The following FLVCR2 variants were observed in gnomAD, a reference collection of about 807,000 sequenced individuals.
FLVCR2 encodes the protein FLVCR choline and putative heme transporter 2, also known as choline/ethanolamine transporter FLVCR2.
FLVCR2 carries 38 observed loss-of-function variants against 48.9 expected under a neutral mutation model. The ratio of observed to expected loss-of-function variants is 0.78; its 90% CI spans 0.60 to 1.02. The LOEUF is 1.02. Among genes scored for constraint, FLVCR2 ranks in the 50% least tolerant of loss-of-function variants. The pLI, the probability that FLVCR2 is intolerant of heterozygous loss-of-function variation, is 0.00. For missense variants in FLVCR2, 664 were observed against 663.3 expected, an observed-to-expected ratio of 1.00 and a Z score of -0.01; for synonymous variants, 255 against 257.0, an observed-to-expected ratio of 0.99 and a Z score of 0.07.
At chr14:75,629,050 C>G (rs1348679992) in intron 3 of FLVCR2, among the ~76,000 whole-genome samples, 3 of 152,242 alleles carry the variant, frequency 2.0e-5, no homozygotes, top group East Asian at 3.9e-4. Context: ...GTGGTTCTCC[C>G]AGCTGATGAG....
rs778166469 is a variant in FLVCR2 at position 75,624,764 on chromosome 14, A to G, written c.952+12A>G. On this transcript the variant is annotated intron_variant, in intron 3 of 9. Coordinates refer to ENST00000238667, the MANE Select transcript of FLVCR2 (RefSeq NM_017791.3). ...TGTCATCACCTATGGTAAGGTGTCA[A>G]TGTGTCTAGGAATGCATTCGAGCTG... The G allele has an allele frequency of 3.1e-6, 5 of 1,614,060 alleles. No individual in the cohort carries two copies. The East Asian group carries it at 6.7e-5, about 22-fold the overall frequency.
intron 1 of FLVCR2, among the ~76,000 whole-genome samples, chr14:75,604,986 G>T (rs548514239): frequency 6.6e-6 from 1 of 152,228 alleles, no homozygotes; most frequent in African/African-American, 2.4e-5. Context: ...CCCTATGCCT[G>T]TGCACAAGAC....
At chr14:75,631,833 C>G (rs188308717) in intron 3 of FLVCR2, 1 of 456,018 alleles carries the variant, frequency 2.2e-6, no homozygotes, top group African/African-American at 2.0e-5. Flanking sequence ...TGAGTATGTA[C>G]TATGAAGGGC....
chr14:75,624,113 G>A (rs1166951812), intron 2 of FLVCR2, among the ~76,000 whole-genome samples: 1 of 151,764 alleles, frequency 6.6e-6, no homozygotes, highest in Admixed American at 6.6e-5. Flanking sequence ...TGTAATCCCA[G>A]CACTATGGGG....
chr14:75,624,368 A>T (rs1258067533), intron 2 of FLVCR2, among the ~76,000 whole-genome samples: 1 of 152,168 alleles, frequency 6.6e-6, no homozygotes, highest in Non-Finnish European at 1.5e-5. Context: ...AAATAAAGAA[A>T]AAAAAAAAGA....
chr14:75,646,575 G>A lies in FLVCR2; in HGVS notation c.*103G>A. The A allele has an allele frequency of 1.3e-6, 1 of 799,726 alleles. No homozygotes were observed. Among genetic ancestry groups the A allele is most frequent in the Non-Finnish European group, 2.2e-6 (1 of 457,598 alleles). 49.5% of individuals were successfully genotyped at this position (799,726 alleles called of 1,614,324 possible). ...GGCTTCGCTAGAGATGTTTTTGGAG[G>A]GAATCAGTGGGACTATTTGTGGCAT... On this transcript the variant is annotated 3_prime_UTR_variant, in exon 10 of 10. Transcript: ENST00000238667.
At chr14:75,627,147 C>A (rs1889918087) in intron 3 of FLVCR2, among the ~76,000 whole-genome samples, 2 of 151,976 alleles carry the variant, frequency 1.3e-5, no homozygotes, top group African/African-American at 4.9e-5. Context: ...CTTCCTCTCA[C>A]ATGCCTGTTT....
intron 3 of FLVCR2, among the ~76,000 whole-genome samples, chr14:75,633,307 C>T (rs907273966): frequency 5.3e-5 from 8 of 152,114 alleles, no homozygotes; most frequent in South Asian, 4.1e-4. Context: ...ATCTACCCAA[C>T]GCTTAAGAAG....
chr14:75,618,218 C>T (rs185529785), intron 1 of FLVCR2, among the ~76,000 whole-genome samples: 174 of 152,292 alleles, frequency 1.1e-3, no homozygotes, highest in African/African-American at 4.1e-3. Context: ...TATTAGGAGG[C>T]ATGAGTCATA....
chr14:75,585,992 A>C lies in FLVCR2; in HGVS notation c.669+6351A>C, dbSNP rs570040891. Among the ~76,000 whole-genome samples, 4 of 152,314 alleles carry C rather than the reference A, an allele frequency of 2.6e-5. No homozygotes were observed. In the East Asian group the frequency reaches 7.7e-4, roughly 29 times the overall value. ...TCTGAGGACCCGAGGTCGTAGGTGGATCTCTTCACAGAGTGAGGGTGAGGA... is the reference window on the plus strand; with the variant it reads ...TCTGAGGACCCGAGGTCGTAGGTGGCTCTCTTCACAGAGTGAGGGTGAGGA... On this transcript the variant is annotated intron_variant, in intron 1 of 9. Coordinates refer to ENST00000238667, the MANE Select transcript of FLVCR2 (RefSeq NM_017791.3).
At chr14:75,611,084 A>G (rs940779086) in intron 1 of FLVCR2, among the ~76,000 whole-genome samples, 1 of 152,206 alleles carries the variant, frequency 6.6e-6, no homozygotes, top group Non-Finnish European at 1.5e-5. Context: ...CCCTGTCCTC[A>G]AGGTACTAAC....
intron 3 of FLVCR2, among the ~76,000 whole-genome samples, chr14:75,630,752 A>G (rs566541319): frequency 1.3e-5 from 2 of 152,356 alleles, no homozygotes; most frequent in East Asian, 3.9e-4. Flanking sequence ...GAATGATGAC[A>G]GAGTCCTTTC....
intron 1 of FLVCR2, among the ~76,000 whole-genome samples, chr14:75,580,826 C>T (rs1304177895): frequency 1.3e-5 from 2 of 152,174 alleles, no homozygotes; most frequent in Non-Finnish European, 2.9e-5. Context: ...AGGCTATTTT[C>T]ACTTTTTTTG....
At chr14:75,631,195 G>A (rs988257018) in intron 3 of FLVCR2, among the ~76,000 whole-genome samples, 2 of 152,130 alleles carry the variant, frequency 1.3e-5, no homozygotes, top group South Asian at 2.1e-4. Flanking sequence ...CTTCCCTCTC[G>A]CCGCCCTTTA....
intron 1 of FLVCR2, among the ~76,000 whole-genome samples, chr14:75,610,383 T>C (rs1403241483): frequency 6.6e-6 from 1 of 152,096 alleles, no homozygotes; most frequent in Non-Finnish European, 1.5e-5. Context: ...CCTGAGTTCA[T>C]GATGACAGAA....
At chr14:75,605,784 C>A in intron 1 of FLVCR2, 1 of 698,358 alleles carries the variant, frequency 1.4e-6, no homozygotes, top group Non-Finnish European at 2.5e-6. Context: ...CTTTTGATTG[C>A]ACAGCCCTGC....
At chr14:75,586,012 T>C (rs1888738283) in intron 1 of FLVCR2, among the ~76,000 whole-genome samples, 1 of 152,120 alleles carries the variant, frequency 6.6e-6, no homozygotes, top group Non-Finnish European at 1.5e-5. Context: ...AGAGTGAGGG[T>C]GAGGACAGGG....
chr14:75,638,627 C>G (rs1289115305), intron 5 of FLVCR2, among the ~76,000 whole-genome samples: 1 of 152,108 alleles, frequency 6.6e-6, no homozygotes, highest in Non-Finnish European at 1.5e-5. Flanking sequence ...GCCACCTCAT[C>G]ATGGCTGATG....
chr14:75,641,596 G>T (rs773275585), intron 8 of FLVCR2, among the ~76,000 whole-genome samples: 2 of 152,126 alleles, frequency 1.3e-5, no homozygotes, highest in Non-Finnish European at 2.9e-5. Flanking sequence ...GATGATTAGA[G>T]CAATGTGTGC....
Sources: allele counts gnomAD v4.1 joint callset (sites outside exome capture counted in the v4.1 genomes callset), GRCh38; gene constraint gnomAD v4.1.1; transcripts MANE v1.5; gene names NCBI Gene and HGNC (gene_info 2026-07-23, HGNC 2026-07-21).